The following C1QTNF3 variants were observed in gnomAD, a reference collection of about 807,000 sequenced individuals.
The protein encoded by C1QTNF3 is C1q and TNF related 3, also known as complement C1q tumor necrosis factor-related protein 3.
Under a neutral mutation model 32.6 loss-of-function variants are expected in C1QTNF3, and 26 were observed. The observed-to-expected ratio is 0.80, with a 90% CI of 0.58 to 1.11. The LOEUF (loss-of-function observed/expected upper bound fraction) is 1.11, where lower values mean the gene tolerates loss of function less well. Ranked by LOEUF, C1QTNF3 falls within the 50% of genes least tolerant of loss-of-function variation. The pLI is 0.00. For synonymous variants in C1QTNF3, 155 were observed against 146.0 expected, an observed-to-expected ratio of 1.06 and a Z score of -0.44; for missense variants, 362 against 398.2, an observed-to-expected ratio of 0.91 and a Z score of 0.77.
the C1QTNF3 span, among the ~76,000 whole-genome samples, chr5:34,243,817 G>C: frequency 1.3e-5 from 2 of 151,734 alleles, no homozygotes; most frequent in Admixed American, 6.6e-5. Context: ...CTATGGGGGT[G>C]GGGGAGAGAG....
chr5:34,231,022 T>C, the C1QTNF3 span, among the ~76,000 whole-genome samples: 2,044 of 152,244 alleles, frequency 0.013, 55 homozygotes, highest in African/African-American at 0.047. Context: ...AGCTACTCAC[T>C]TTGAAAGACT....
chr5:34,227,421 T>C, the C1QTNF3 span, among the ~76,000 whole-genome samples: 8 of 152,148 alleles, frequency 5.3e-5, no homozygotes, highest in East Asian at 1.3e-3. Context: ...TAGATGCATA[T>C]ATATTTCATT....
At chr5:34,039,816 G>A (rs1754825258) in intron 1 of C1QTNF3, among the ~76,000 whole-genome samples, 1 of 152,146 alleles carries the variant, frequency 6.6e-6, no homozygotes, top group South Asian at 2.1e-4. Context: ...GAAACATTTT[G>A]TTTTTAGTAT....
intron 4 of C1QTNF3, among the ~76,000 whole-genome samples, chr5:34,028,201 T>C (rs1366214354): frequency 6.6e-6 from 1 of 152,246 alleles, no homozygotes; most frequent in Non-Finnish European, 1.5e-5. Flanking sequence ...CTCTATCTAC[T>C]GACCTCGTGA....
the C1QTNF3 span, among the ~76,000 whole-genome samples, chr5:34,129,585 G>C: frequency 1.3e-4 from 20 of 151,992 alleles, no homozygotes; most frequent in Non-Finnish European, 7.4e-5. Context: ...ATAAATGTAA[G>C]TGATTATAAT....
the C1QTNF3 span, among the ~76,000 whole-genome samples, chr5:34,147,041 G>T: frequency 2.0e-5 from 3 of 152,066 alleles, no homozygotes; most frequent in Admixed American, 2.0e-4. Flanking sequence ...CATACAAGTG[G>T]CCAAAAAGTT....
At chr5:34,128,393 G>A in the C1QTNF3 span, among the ~76,000 whole-genome samples, 4 of 152,200 alleles carry the variant, frequency 2.6e-5, no homozygotes, top group Admixed American at 1.3e-4. Flanking sequence ...TTCCCACTGG[G>A]GCACTGCCTA....
the C1QTNF3 span, among the ~76,000 whole-genome samples, chr5:34,055,728 TG>T: frequency 2.6e-5 from 4 of 152,248 alleles, no homozygotes; most frequent in African/African-American, 7.2e-5. Flanking sequence ...GACCCACATC[TG>T]TTTTCTAAGT....
At chr5:34,106,235 C>T in the C1QTNF3 span, 1 of 148,808 alleles carries the variant, frequency 6.7e-6, no homozygotes, top group South Asian at 2.1e-4. Context: ...AATAGAGTGA[C>T]ATTTAAAAAA....
At chr5:34,054,619 T>C in the C1QTNF3 span, among the ~76,000 whole-genome samples, 3 of 152,238 alleles carry the variant, frequency 2.0e-5, no homozygotes, top group Non-Finnish European at 4.4e-5. Context: ...CTCCAGGATC[T>C]TCTTGACTGA....
the C1QTNF3 span, among the ~76,000 whole-genome samples, chr5:34,133,746 T>G: frequency 6.6e-6 from 1 of 152,200 alleles, no homozygotes; most frequent in Non-Finnish European, 1.5e-5. Flanking sequence ...TTAATTAGAA[T>G]AATAATTGAA....
chr5:34,076,290 TACC>T, the C1QTNF3 span, among the ~76,000 whole-genome samples: 3 of 151,808 alleles, frequency 2.0e-5, no homozygotes, highest in East Asian at 1.9e-4. Flanking sequence ...AGGTGTATTT[TACC>T]ACAATTAATT....
chr5:34,033,135 G>C (rs1754656696), intron 3 of C1QTNF3, 169 bp downstream of exon 3: 1 of 662,310 alleles, frequency 1.5e-6, no homozygotes. Context: ...CCTCCTTTTG[G>C]ACAGTATGGG....
chr5:34,163,080 C>T, the C1QTNF3 span, among the ~76,000 whole-genome samples: 3 of 152,130 alleles, frequency 2.0e-5, no homozygotes, highest in Admixed American at 1.3e-4. Context: ...AAAAATATAA[C>T]TTCTGTACAA....
the C1QTNF3 span, among the ~76,000 whole-genome samples, chr5:34,215,803 A>G: frequency 2.0e-5 from 3 of 152,036 alleles, no homozygotes; most frequent in African/African-American, 7.2e-5. Context: ...AGGCTAACTT[A>G]AAGAACATTT....
At chr5:34,044,510 G>T (rs901295595), upstream of C1QTNF3, among the ~76,000 whole-genome samples, 1 of 152,084 alleles carries the variant, frequency 6.6e-6, no homozygotes, top group Non-Finnish European at 1.5e-5. Context: ...AGAGAGAGCT[G>T]TTGACAGCTG....
chr5:34,085,835 TTGG>T, the C1QTNF3 span, among the ~76,000 whole-genome samples: 10 of 151,728 alleles, frequency 6.6e-5, no homozygotes, highest in South Asian at 4.1e-4. Flanking sequence ...TTTTACACTG[TTGG>T]TGGGAGTGTA....
chr5:34,158,452 G>A, the C1QTNF3 span: 1 of 152,216 alleles, frequency 6.6e-6, no homozygotes, highest in Admixed American at 6.5e-5. Context: ...CAAACGTGAT[G>A]TGATTTCTCT....
the C1QTNF3 span, among the ~76,000 whole-genome samples, chr5:34,213,694 G>GTA: frequency 2.6e-4 from 36 of 135,876 alleles, no homozygotes; most frequent in Non-Finnish European, 4.6e-4. Context: ...TTGTGTGTGT[G>GTA]TATATATATA....
Sources: allele counts gnomAD v4.1 joint callset (sites outside exome capture counted in the v4.1 genomes callset), GRCh38; gene constraint gnomAD v4.1.1; transcripts MANE v1.5; gene names NCBI Gene and HGNC (gene_info 2026-07-23, HGNC 2026-07-21).